LRRC4C: variants seen among roughly 807,000 people sequenced by gnomAD.
LRRC4C encodes leucine-rich repeat-containing protein 4C.
LRRC4C carries 5 observed loss-of-function variants against 33.6 expected under a neutral mutation model. The ratio of observed to expected loss-of-function variants is 0.15; its 90% confidence interval spans 0.08 to 0.31. The LOEUF (loss-of-function observed/expected upper bound fraction) is 0.31. Among genes scored for constraint, LRRC4C ranks in the 10% least tolerant of loss-of-function variants. The pLI is 1.00. For synonymous variants in LRRC4C, 329 were observed against 302.0 expected (o/e 1.09, Z -0.93); for missense variants, 560 against 796.7 (o/e 0.70, Z 3.58).
chr11:40,559,216 A>G (rs1295057087), intron 3 of LRRC4C, among the ~76,000 whole-genome samples: 1 of 125,430 alleles, frequency 8.0e-6, no homozygotes, highest in Non-Finnish European at 1.6e-5. Context: ...GTGGGGTCTC[A>G]CTCTGCCACC....
intron 3 of LRRC4C, among the ~76,000 whole-genome samples, chr11:40,519,851 G>T (rs1955735037): frequency 6.6e-6 from 1 of 152,206 alleles, no homozygotes; most frequent in Non-Finnish European, 1.5e-5. Context: ...GCCTGATGGA[G>T]AAGCTGCAGC....
chr11:41,339,352 C>T (rs1239504809), intron 1 of LRRC4C, among the ~76,000 whole-genome samples: 1 of 152,148 alleles, frequency 6.6e-6, no homozygotes, highest in Non-Finnish European at 1.5e-5. Context: ...AATTCCTTTG[C>T]TTTTGGATAG....
At chr11:40,952,886 ACACACACACACTCTCTCTCT>A (rs1229444644) in intron 1 of LRRC4C, among the ~76,000 whole-genome samples, 35 of 103,660 alleles carry the variant, frequency 3.4e-4, no homozygotes, top group African/African-American at 1.2e-3. Context: ...ACACACACAC[ACACACACACACTCTCTCTCT>A]CTCTCTCTCT....
chr11:40,658,221 C>T (rs928161746), intron 2 of LRRC4C, among the ~76,000 whole-genome samples: 16 of 152,102 alleles, frequency 1.1e-4, no homozygotes, highest in African/African-American at 3.6e-4. Flanking sequence ...GGCTTCAAAC[C>T]TTTATGTAGA....
chr11:40,743,805 A>C (rs1948283238), intron 2 of LRRC4C, among the ~76,000 whole-genome samples: 1 of 151,728 alleles, frequency 6.6e-6, no homozygotes, highest in African/African-American at 2.4e-5. Context: ...TTCAACTCTC[A>C]TTTTTTCCCT....
chr11:41,335,850 A>G (rs1007307122), intron 1 of LRRC4C, among the ~76,000 whole-genome samples: 1 of 152,188 alleles, frequency 6.6e-6, no homozygotes, highest in Non-Finnish European at 1.5e-5. Context: ...TTGCACAAGT[A>G]TGTCACACCA....
intron 3 of LRRC4C, among the ~76,000 whole-genome samples, chr11:40,592,190 A>G (rs993990479): frequency 9.9e-5 from 15 of 152,228 alleles, no homozygotes; most frequent in Non-Finnish European, 2.1e-4. Context: ...AGTAAATGGC[A>G]AAAGTAACAG....
At chr11:40,560,457 T>G (rs1957505009) in intron 3 of LRRC4C, among the ~76,000 whole-genome samples, 1 of 152,004 alleles carries the variant, frequency 6.6e-6, no homozygotes. Context: ...TGTGTGTGTG[T>G]GTGTGTGTGT....
rs111753994 is a variant in LRRC4C, at chr11:40,792,028, C to T, written c.-407+141607G>A. On this transcript the variant is annotated intron_variant, in intron 2 of 6. Coordinates refer to ENST00000528697, the MANE Select transcript of LRRC4C (RefSeq NM_001258419.2). ...GTATATATTATTTTACTCCACCAAG[C>T]GCTCTTAAACTCTAAACACTTTTAG... is the stretch of plus-strand genomic sequence containing the variant. 1.9e-3 allele frequency among the ~76,000 whole-genome samples: 289 copies of T among 152,082 alleles called. 2 individuals are homozygous for T. Among genetic ancestry groups the T allele is most frequent in the African/African-American group, 6.7e-3 (277 of 41,518 alleles).
intron 3 of LRRC4C, among the ~76,000 whole-genome samples, chr11:40,465,296 T>C (rs1590823478): frequency 6.6e-6 from 1 of 151,970 alleles, no homozygotes; most frequent in Non-Finnish European, 1.5e-5. Context: ...TCTCAGGATA[T>C]ACAAAAATTA....
At chr11:40,350,377 C>A (rs1225444664) in intron 3 of LRRC4C, among the ~76,000 whole-genome samples, 3 of 151,858 alleles carry the variant, frequency 2.0e-5, no homozygotes, top group Non-Finnish European at 4.4e-5. Flanking sequence ...GTTCTTGGTG[C>A]CTTAAAATGA....
At chr11:40,363,001 T>C (rs1226463707) in intron 3 of LRRC4C, among the ~76,000 whole-genome samples, 1 of 152,170 alleles carries the variant, frequency 6.6e-6, no homozygotes, top group East Asian at 1.9e-4. Flanking sequence ...TGGAAGACAG[T>C]GTAGTGATGC....
intron 1 of LRRC4C, among the ~76,000 whole-genome samples, chr11:41,213,168 T>C (rs568613298): frequency 3.9e-5 from 6 of 152,370 alleles, no homozygotes; most frequent in Admixed American, 3.3e-4. Context: ...ATACTTTGGT[T>C]ACTAAAAAGT....
At chr11:40,825,067 A>G (rs1326942648) in intron 2 of LRRC4C, among the ~76,000 whole-genome samples, 1 of 151,910 alleles carries the variant, frequency 6.6e-6, no homozygotes, top group African/African-American at 2.4e-5. Context: ...AGGTGCTTCC[A>G]CTTACATTAG....
At chr11:40,868,365 A>G (rs1205780301) in intron 2 of LRRC4C, among the ~76,000 whole-genome samples, 4 of 152,174 alleles carry the variant, frequency 2.6e-5, no homozygotes, top group African/African-American at 7.2e-5. Context: ...GAGACAAGTC[A>G]GAGGATCAGG....
intron 2 of LRRC4C, among the ~76,000 whole-genome samples, chr11:40,666,260 A>T (rs559569073): frequency 6.6e-6 from 1 of 152,298 alleles, no homozygotes; most frequent in East Asian, 1.9e-4. Flanking sequence ...TTCAAATAGA[A>T]AACCATTTAA....
intron 1 of LRRC4C, among the ~76,000 whole-genome samples, chr11:41,092,685 G>C (rs116195592): frequency 2.1e-3 from 325 of 152,242 alleles, no homozygotes; most frequent in African/African-American, 5.5e-3. Context: ...ATAACCAACT[G>C]TACTGTCCAG....
At chr11:40,748,040 T>A (rs1290562458) in intron 2 of LRRC4C, among the ~76,000 whole-genome samples, 1 of 152,126 alleles carries the variant, frequency 6.6e-6, no homozygotes, top group Non-Finnish European at 1.5e-5. Context: ...CATTAGACAC[T>A]CATTACAGGA....
At chr11:40,683,650 G>A (rs1944810662) in intron 2 of LRRC4C, among the ~76,000 whole-genome samples, 1 of 152,148 alleles carries the variant, frequency 6.6e-6, no homozygotes, top group Non-Finnish European at 1.5e-5. Flanking sequence ...AAGGGGATGA[G>A]GGAGGAAGTA....
Sources: allele counts gnomAD v4.1 joint callset (sites outside exome capture counted in the v4.1 genomes callset), GRCh38; gene constraint gnomAD v4.1.1; transcripts MANE v1.5; gene names NCBI Gene and HGNC (gene_info 2026-07-23, HGNC 2026-07-21).